AADAC: variants seen among roughly 807,000 people sequenced by gnomAD.
AADAC encodes the protein arylacetamide deacetylase (esterase).
Under a neutral mutation model 22.7 loss-of-function variants are expected in AADAC, and 17 were observed. The observed-to-expected ratio is 0.75, with a 90% CI of 0.51 to 1.12. The LOEUF (loss-of-function observed/expected upper bound fraction) is 1.12. Among genes scored for constraint, AADAC ranks in the 50% most tolerant of loss-of-function variants. The pLI, the probability that AADAC is intolerant of heterozygous loss-of-function variation, is 0.00. For synonymous variants in AADAC, 167 were observed against 176.3 expected (o/e 0.95, Z 0.42); for missense variants, 465 against 473.9 (o/e 0.98, Z 0.17).
chr3:151,817,642 A>ACTAAGT, intron 2 of AADAC, 54 bp downstream of exon 2: 1 of 1,504,842 alleles, frequency 6.6e-7, no homozygotes, highest in East Asian at 2.3e-5. Context: ...CAGACATTTT[A>ACTAAGT]CTAAGTCTTC....
Position 151,827,650 on chromosome 3 carries a change from T to C in AADAC, c.678T>C (p.Asp226=). Residue 226 remains aspartate, a synonymous_variant, in exon 5 of 5, where the codon GAT becomes GAC. Transcript: ENST00000232892. ...TTTATCCTGCCCTTCAGCCTCTTGA[T>C]GTAGATTTACCGTCATATCAAGAAA... is the stretch of plus-strand genomic sequence containing the variant. The part of the protein sequence containing the change: ...SLIYPALQPL[D]VDLPSYQENS... 1 of 1,612,256 alleles carries C rather than the reference T, an allele frequency of 6.2e-7. No homozygotes were observed.
In AADAC at chr3:151,818,656, G is replaced by C. The variant is rs1383008141; in HGVS notation, c.361+1068G>C. Reference sequence around the variant, plus strand: ...CCTTTGGCTGAAACTCAGTGATTGGGACAAGAGTAGATTACACATCCAATT... The same window carrying C: ...CCTTTGGCTGAAACTCAGTGATTGGCACAAGAGTAGATTACACATCCAATT... On this transcript the variant is annotated intron_variant, in intron 2 of 4. Transcript: ENST00000232892. Among the ~76,000 whole-genome samples, 13 of 152,066 alleles carry C rather than the reference G, an allele frequency of 8.5e-5. No homozygotes were observed. The East Asian group carries it at 2.5e-3, about 29-fold the overall frequency.
intron 2 of AADAC, among the ~76,000 whole-genome samples, chr3:151,818,498 C>T (rs1428776014): frequency 6.6e-6 from 1 of 152,000 alleles, no homozygotes; most frequent in Non-Finnish European, 1.5e-5. Context: ...CCAGCGCTGC[C>T]TCCTGGTCGA....
intron 2 of AADAC, among the ~76,000 whole-genome samples, chr3:151,818,064 C>A (rs1716066188): frequency 6.6e-6 from 1 of 151,750 alleles, no homozygotes; most frequent in Admixed American, 6.6e-5. Context: ...CATGGTGAAA[C>A]CCTGTATCTA....
chr3:151,823,393 T>C (rs1716336529), intron 3 of AADAC, among the ~76,000 whole-genome samples: 1 of 152,014 alleles, frequency 6.6e-6, no homozygotes, highest in Non-Finnish European at 1.5e-5. Context: ...TAAAAGTTTT[T>C]AAATACATAT....
chr3:151,824,717 T>C lies in AADAC; in HGVS notation c.486T>C (p.Asn162=). The C allele has an allele frequency of 6.2e-7, 1 of 1,601,774 alleles. No homozygotes were observed. The highest frequency in any genetic ancestry group is 1.7e-4 in the Middle Eastern group (1 of 6,038). The change falls in exon 4 of 5, where the codon AAT becomes AAC. Residue 162 remains asparagine, a synonymous_variant. Coordinates refer to ENST00000232892, the MANE Select transcript of AADAC (RefSeq NM_001086.3). ...HFPIQFEDVY[N]ALRWFLRKKV... ...CAATTCAATTTGAAGATGTATATAA[T>C]GCCTTAAGGTGGTTCTTACGTAAAA...
rs139316817 is a variant in AADAC, at chr3:151,815,307, A to C, written c.138+1007A>C. On this transcript the variant is annotated intron_variant, in intron 1 of 4. Transcript: ENST00000232892. ...ACCAACCATTCTAAGTGCTAAGAAAAATGTTTTCCAGCAGAGACACCAACA... is the reference window on the plus strand; with the variant it reads ...ACCAACCATTCTAAGTGCTAAGAAACATGTTTTCCAGCAGAGACACCAACA... Among the ~76,000 whole-genome samples the C allele has an allele frequency of 9.2e-4, 140 of 152,144 alleles. 1 individual carries two copies. Among genetic ancestry groups the C allele is most frequent in the Middle Eastern group, 3.4e-3 (1 of 294 alleles).
rs1560314672 is a variant in AADAC at position 151,827,689 on chromosome 3, A to G, written c.717A>G (p.Leu239=). Residue 239 remains leucine (L), a synonymous_variant, in exon 5 of 5, where the codon CTA becomes CTG. Coordinates refer to ENST00000232892, the MANE Select transcript of AADAC (RefSeq NM_001086.3). The part of the protein sequence containing the change: ...LPSYQENSNF[L]FLSKSLMVRF... ...CATATCAAGAAAATTCAAATTTTCT[A>G]TTTCTATCCAAATCACTCATGGTCA... is the stretch of plus-strand genomic sequence containing the variant. The G allele has an allele frequency of 6.2e-6, 10 of 1,612,582 alleles. No homozygotes were observed. Among genetic ancestry groups the G allele is most frequent in the Middle Eastern group, 1.6e-4 (1 of 6,080 alleles).
At chr3:151,824,960 ACT>A in intron 4 of AADAC, 126 bp downstream of exon 4, 2 of 633,640 alleles carry the variant, frequency 3.2e-6, no homozygotes, top group Non-Finnish European at 4.3e-6. Context: ...ATTTTTTGAA[ACT>A]ATTAAAGAGA....
chr3:151,820,420 A>T lies in AADAC; in HGVS notation c.399A>T (p.Ala133=). The change falls in exon 3 of 5, where the codon GCA becomes GCT. Residue 133 remains alanine (A), a synonymous_variant. Coordinates refer to ENST00000232892, the MANE Select transcript of AADAC (RefSeq NM_001086.3). ...ATGACTTGCTGTCAAGATGGACAGCAGACAGACTTGATGCTGTCGTCGTAT... is the reference window on the plus strand; with the variant it reads ...ATGACTTGCTGTCAAGATGGACAGCTGACAGACTTGATGCTGTCGTCGTAT... The part of the protein sequence containing the change: ...SGYDLLSRWT[A]DRLDAVVVST... The T allele has an allele frequency of 6.3e-7, 1 of 1,590,714 alleles. No individual in the cohort carries two copies. Among genetic ancestry groups the T allele is most frequent in the Non-Finnish European group, 8.6e-7 (1 of 1,166,906 alleles).
intron 3 of AADAC, among the ~76,000 whole-genome samples, chr3:151,821,099 G>A (rs1269025801): frequency 6.6e-6 from 1 of 151,540 alleles, no homozygotes; most frequent in Non-Finnish European, 1.5e-5. Context: ...TGAGTGCCCT[G>A]GAGTCACAGG....
At chr3:151,816,317 T>C (rs1266141370) in intron 1 of AADAC, among the ~76,000 whole-genome samples, 1 of 152,126 alleles carries the variant, frequency 6.6e-6, no homozygotes, top group Non-Finnish European at 1.5e-5. Context: ...TTCCTTTTCT[T>C]ATTTGGTTAG....
intron 4 of AADAC, 102 bp from the exon 5 acceptor site, chr3:151,827,474 T>C: frequency 2.7e-6 from 2 of 731,000 alleles, no homozygotes; most frequent in Non-Finnish European, 4.4e-6. Context: ...CATGAATAGA[T>C]AGATAGATAA....
At position 151,828,023 on chromosome 3, in the gene AADAC, A is replaced by G. The variant is rs1188410286; in HGVS notation, c.1051A>G (p.Met351Val). The change falls in exon 5 of 5, where the codon ATG becomes GTG. Residue 351 changes from methionine to valine, a missense_variant. Met to Val is a conservative substitution (Grantham distance 21). Transcript: ENST00000232892. Reference sequence around the variant, plus strand: ...TGATCTCTTAAGAGATGATGGACTCATGTATGTCACCCGACTTCGCAACAC... The same window carrying G: ...TGATCTCTTAAGAGATGATGGACTCGTGTATGTCACCCGACTTCGCAACAC... Reference protein sequence around the residue: ...QYDLLRDDGLMYVTRLRNTGV... With the variant: ...QYDLLRDDGLVYVTRLRNTGV... 6.2e-7 allele frequency: 1 copy of G among 1,613,328 alleles called. No individual in the cohort carries two copies. The highest frequency in any genetic ancestry group is 1.1e-5 in the South Asian group (1 of 91,066).
At chr3:151,818,278 A>C (rs7616061) in intron 2 of AADAC, among the ~76,000 whole-genome samples, 115,069 of 150,708 alleles carry the variant, frequency 0.76, 44,313 homozygotes, top group Middle Eastern at 0.84. Context: ...GTCTTCCTGT[A>C]TTCTTGGATC....
At position 151,827,984 on chromosome 3, in the gene AADAC, A is replaced by G. The variant is rs1716578205; in HGVS notation, c.1012A>G (p.Ile338Val). The G allele has an allele frequency of 1.2e-6, 2 of 1,613,060 alleles. No individual in the cohort carries two copies. The highest frequency in any genetic ancestry group is 1.7e-6 in the Non-Finnish European group (2 of 1,179,364). The change falls in exon 5 of 5, where the codon ATC becomes GTC. Residue 338 changes from isoleucine (I) to valine (V), a missense_variant. Ile to Val is a conservative substitution (Grantham distance 29). Transcript: ENST00000232892. ...ACGTGGCTTACCCCTGACCTATGTC[A>G]TCACCTGTCAATATGATCTCTTAAG... ...KLRGLPLTYV[I>V]TCQYDLLRDD...
Position 151,828,033 on chromosome 3 carries a change from C to A in AADAC, c.1061C>A (p.Thr354Asn), listed in dbSNP as rs553941608. 25 of 1,613,244 alleles carry A rather than the reference C, an allele frequency of 1.5e-5. No individual in the cohort carries two copies. The South Asian group carries it at 2.7e-4, about 18-fold the overall frequency. Residue 354 changes from threonine (T) to asparagine (N), a missense_variant, in exon 5 of 5, where the codon ACC becomes AAC. Coordinates refer to ENST00000232892, the MANE Select transcript of AADAC (RefSeq NM_001086.3). ...AGAGATGATGGACTCATGTATGTCA[C>A]CCGACTTCGCAACACTGGGGTTCAG... ...LLRDDGLMYV[T>N]RLRNTGVQVT...
chr3:151,825,897 C>T (rs1469139007), intron 4 of AADAC, among the ~76,000 whole-genome samples: 1 of 151,860 alleles, frequency 6.6e-6, no homozygotes, highest in Non-Finnish European at 1.5e-5. Context: ...AATGTTAATT[C>T]TTTGGATAAA....
At chr3:151,815,237 T>C (rs1715934143) in intron 1 of AADAC, among the ~76,000 whole-genome samples, 2 of 151,940 alleles carry the variant, frequency 1.3e-5, no homozygotes, top group Non-Finnish European at 2.9e-5. Context: ...AAAAAGCCAT[T>C]CTGAAGAGGA....
Sources: gnomAD v4.1 joint callset for allele counts (sites outside exome capture counted in the v4.1 genomes callset) on GRCh38, gnomAD v4.1.1 for gene constraint, MANE v1.5 for transcripts, NCBI Gene and HGNC (gene_info 2026-07-23, HGNC 2026-07-21) for gene names.